Variants in OTOF observed in about 807,000 individuals in gnomAD.
The protein encoded by OTOF is otoferlin, also known as fer-1-like family member 2.
A neutral mutation model predicts 236.8 loss-of-function variants in OTOF; 218 were observed. The observed-to-expected ratio is 0.92, with a 90% CI of 0.82 to 1.03. The LOEUF (loss-of-function observed/expected upper bound fraction) is 1.03, where lower values mean the gene tolerates loss of function less well. Among genes scored for constraint, OTOF ranks in the 50% least tolerant of loss-of-function variants. OTOF has a pLI of 0.00. For synonymous variants in OTOF, 1,041 were observed against 1,072.5 expected (o/e 0.97, Z 0.57); for missense variants, 2,590 against 2,694.4 (o/e 0.96, Z 0.86).
rs1197820935 is a variant in OTOF at position 26,460,950 on chromosome 2, C to T, written c.5614G>A (p.Glu1872Lys). 1.2e-6 allele frequency: 2 copies of T among 1,614,062 alleles called. No individual in the cohort carries two copies. Among genetic ancestry groups the T allele is most frequent in the Non-Finnish European group, 8.5e-7 (1 of 1,179,970 alleles). ...ATGGACACGAGGGGCACGTCCACCTCCCCGGTGGCCATCTCCATGGTGCAC... is the reference window on the plus strand; with the variant it reads ...ATGGACACGAGGGGCACGTCCACCTTCCCGGTGGCCATCTCCATGGTGCAC... Reference protein sequence around the residue: ...KQCTMEMATGEVDVPLVSIFK... With the variant: ...KQCTMEMATGKVDVPLVSIFK... The change falls in exon 44 of 47, where the codon GAG becomes AAG. Residue 1872 changes from glutamate (E) to lysine (K), a missense_variant. Glu to Lys is a moderately conservative substitution (Grantham distance 56, BLOSUM62 1). Transcript: ENST00000272371. The surrounding 1 kb of genome is among the most constrained non-coding windows in gnomAD (Gnocchi z 5.3).
At chr2:26,517,279 G>T (rs1666557701) in intron 4 of OTOF, among the ~76,000 whole-genome samples, 1 of 152,042 alleles carries the variant, frequency 6.6e-6, no homozygotes, top group Non-Finnish European at 1.5e-5. Flanking sequence ...AGTGCACAGG[G>T]ATCACCCTTC....
At chr2:26,499,472 G>A (rs917375037) in intron 8 of OTOF, among the ~76,000 whole-genome samples, 1 of 151,928 alleles carries the variant, frequency 6.6e-6, no homozygotes, top group South Asian at 2.1e-4. Context: ...GAGTGAAGTC[G>A]TATCTGGTTT....
Position 26,558,633 on chromosome 2 carries a change from C to G in OTOF, c.-62G>C. 7.6e-7 allele frequency: 1 copy of G among 1,319,080 alleles called. No homozygotes were observed. Among genetic ancestry groups the G allele is most frequent in the Admixed American group, 1.7e-5 (1 of 59,374 alleles). 81.7% of individuals were successfully genotyped at this position (1,319,080 alleles called of 1,614,324 possible). A position where few individuals can be genotyped will look rare whatever the true frequency, so the allele number is the denominator to read the frequency against. On this transcript the variant is annotated 5_prime_UTR_variant, in exon 1 of 47. Transcript: ENST00000272371. ...AGCGGGAAGGAGCTAGCCGGTGGAG[C>G]ACGGCTCACACGCCTCTCTCTTCTC... is the stretch of plus-strand genomic sequence containing the variant.
chr2:26,458,325 C>T, intron 46 of OTOF, 105 bp from the exon 47 acceptor site: 2 of 1,195,952 alleles, frequency 1.7e-6, no homozygotes, highest in Non-Finnish European at 2.4e-6. Flanking sequence ...GCCATGGCCC[C>T]AGCCCCAAAA....
intron 13 of OTOF, among the ~76,000 whole-genome samples, chr2:26,482,826 T>A (rs1665585192): frequency 6.7e-6 from 1 of 148,694 alleles, no homozygotes; most frequent in Non-Finnish European, 1.5e-5. Flanking sequence ...GGTGCATGTG[T>A]GCGTGAGTGG....
At position 26,484,654 on chromosome 2, in the gene OTOF, C is replaced by T. The variant is rs756932443; in HGVS notation, c.1046-21G>A. 5 of 1,612,682 alleles carry T rather than the reference C, an allele frequency of 3.1e-6. No homozygotes were observed. The Middle Eastern group carries it at 6.6e-4, about 213-fold the overall frequency. ...GTGCTCTGCAATGATGAGGGGTGGG[C>T]ACTGCACCAGACACCCCCACCCAGA... On this transcript the variant is annotated intron_variant, in intron 11 of 46. Transcript: ENST00000272371.
At position 26,462,148 on chromosome 2, in the gene OTOF, AT is replaced by A; in HGVS notation, c.5225del (p.Asp1742ValfsTer21). Reference protein sequence around the residue: ...YELRVIIWNTDEVVLEDDDFF... With the variant: ...YELRVIIWNTXEVVLEDDDFF... ...AGTCGTCGTCCTCCAAGACCACCTC[AT>A]CTGTGTTCCAGATGATGACCCGCAG... On this transcript the variant is annotated frameshift_variant, in exon 42 of 47. Coordinates refer to ENST00000272371, the MANE Select transcript of OTOF (RefSeq NM_194248.3). LOFTEE classifies it high-confidence loss of function. The surrounding 1 kb of genome is among the most constrained non-coding windows in gnomAD (Gnocchi z 4.7). The A allele has an allele frequency of 6.2e-7, 1 of 1,613,684 alleles. No homozygotes were observed.
At chr2:26,521,982 TAC>T (rs1369503136) in intron 3 of OTOF, among the ~76,000 whole-genome samples, 10 of 152,166 alleles carry the variant, frequency 6.6e-5, no homozygotes, top group Non-Finnish European at 1.5e-4. Context: ...CTGGAGAGCC[TAC>T]ACAGGGCGAG....
intron 30 of OTOF, among the ~76,000 whole-genome samples, chr2:26,471,833 C>T (rs760771608): frequency 2.0e-4 from 30 of 151,140 alleles, no homozygotes; most frequent in Non-Finnish European, 2.9e-4. Context: ...CACATGCACA[C>T]ATGCACATTT....
rs758504052 is a variant in OTOF, at chr2:26,465,707, G to A, written c.4764C>T (p.His1588=). ...IDLENRFYSK[H]RATCGIAQTY... ...TCTGGGCGATGCCGCAGGTGGCGCG[G>A]TGCTTGCTGTAGAAGCGGTTCTCCA... Residue 1588 remains histidine, a synonymous_variant, in exon 38 of 47, where the codon CAC becomes CAT. Coordinates refer to ENST00000272371, the MANE Select transcript of OTOF (RefSeq NM_194248.3). The A allele has an allele frequency of 6.2e-6, 10 of 1,614,164 alleles. No individual in the cohort carries two copies. Among genetic ancestry groups the A allele is most frequent in the Middle Eastern group, 1.6e-4 (1 of 6,084 alleles).
intron 3 of OTOF, among the ~76,000 whole-genome samples, chr2:26,521,796 G>A (rs541282860): frequency 1.3e-5 from 2 of 152,352 alleles, no homozygotes; most frequent in East Asian, 3.9e-4. Flanking sequence ...TCACTCAGCA[G>A]GACCCAAGGG....
rs771793565 is a variant in OTOF, at chr2:26,477,820, C to T, written c.2215-71G>A. The T allele has an allele frequency of 6.3e-7, 1 of 1,592,786 alleles. No individual in the cohort carries two copies. Among genetic ancestry groups the T allele is most frequent in the South Asian group, 1.1e-5 (1 of 88,664 alleles). ...CCCAGCCTCCCCAAATGCCTCCTCC[C>T]TGTTGATCAGGGGAGTGAGGGACCT... On this transcript the variant is annotated intron_variant, in intron 18 of 46. Coordinates refer to ENST00000272371, the MANE Select transcript of OTOF (RefSeq NM_194248.3). This position sits in a 1 kb window ranked among gnomAD's most constrained non-coding sequence, Gnocchi z 4.7.
intron 24 of OTOF, among the ~76,000 whole-genome samples, 173 bp from the exon 25 acceptor site, chr2:26,475,666 C>T (rs1316554040): frequency 6.6e-6 from 1 of 152,178 alleles, no homozygotes; most frequent in Non-Finnish European, 1.5e-5. Flanking sequence ...TGGCCCAAGC[C>T]CCCTGCCAAT....
At chr2:26,519,707 C>T (rs1359694945) in intron 3 of OTOF, among the ~76,000 whole-genome samples, 1 of 152,210 alleles carries the variant, frequency 6.6e-6, no homozygotes, top group East Asian at 1.9e-4. Flanking sequence ...CCAGCTCTGA[C>T]ACTGACTAGC....
rs749588712 is a variant in OTOF, at chr2:26,473,957, T to A, written c.3408+34A>T. 6.2e-7 allele frequency: 1 copy of A among 1,612,356 alleles called. No individual in the cohort carries two copies. Among genetic ancestry groups the A allele is most frequent in the Non-Finnish European group, 8.5e-7 (1 of 1,179,734 alleles). On this transcript the variant is annotated intron_variant, in intron 27 of 46. Coordinates refer to ENST00000272371, the MANE Select transcript of OTOF (RefSeq NM_194248.3). This position sits in a 1 kb window ranked among gnomAD's most constrained non-coding sequence, Gnocchi z 7.2. ...CCCTCCTGGGTCCTCAGACTCCTCA[T>A]CCAAAAGGGAAGGGCCACACAGAGC... is the stretch of plus-strand genomic sequence containing the variant.
At position 26,467,045 on chromosome 2, in the gene OTOF, G is replaced by T. The variant is rs58540417; in HGVS notation, c.4362+54C>A. 480 of 1,427,584 alleles carry T rather than the reference G, an allele frequency of 3.4e-4. 3 individuals are homozygous for T. Among genetic ancestry groups the T allele is most frequent in the South Asian group, 2.1e-3 (160 of 76,830 alleles). 88.4% of individuals were successfully genotyped at this position (1,427,584 alleles called of 1,614,324 possible). On this transcript the variant is annotated intron_variant, in intron 35 of 46. Transcript: ENST00000272371. Reference sequence around the variant, plus strand: ...GTGGGAGGTGAGTGGGGGAACCTGTGGGGGGGGCAAGGGCTGGCGGGTGCT... The same window carrying T: ...GTGGGAGGTGAGTGGGGGAACCTGTTGGGGGGGCAAGGGCTGGCGGGTGCT...
intron 46 of OTOF, among the ~76,000 whole-genome samples, chr2:26,459,413 G>A (rs975949946): frequency 4.6e-5 from 7 of 152,146 alleles, no homozygotes; most frequent in African/African-American, 7.2e-5. Flanking sequence ...TTATCCAGGC[G>A]TGGTGGCGGG....
At chr2:26,553,953 A>C (rs1667524917) in intron 1 of OTOF, among the ~76,000 whole-genome samples, 1 of 152,072 alleles carries the variant, frequency 6.6e-6, no homozygotes, top group Non-Finnish European at 1.5e-5. Flanking sequence ...CAGGCGGATC[A>C]TGAGGTCAGG....
chr2:26,474,304 G>A (rs1284407517), intron 26 of OTOF, among the ~76,000 whole-genome samples, 194 bp from the exon 27 acceptor site: 2 of 58,090 alleles, frequency 3.4e-5, no homozygotes. Context: ...CCAACCCCCA[G>A]GACCTAACGC....
Sources: gnomAD v4.1 joint callset for allele counts (sites outside exome capture counted in the v4.1 genomes callset) on GRCh38, gnomAD v4.1.1 for gene constraint, Gnocchi (gnomAD v3.1) non-coding constraint, MANE v1.5 for transcripts, NCBI Gene and HGNC (gene_info 2026-07-23, HGNC 2026-07-21) for gene names.